Variants in TIAM2 observed in about 807,000 individuals in gnomAD.
TIAM2 encodes the protein TIAM Rac1 associated GEF 2.
In TIAM2, 80 loss-of-function variants were observed where a neutral mutation model predicts 152.9. The ratio of observed to expected loss-of-function variants is 0.52; its 90% CI spans 0.44 to 0.63. The LOEUF (loss-of-function observed/expected upper bound fraction) is 0.63, where lower values mean the gene tolerates loss of function less well. TIAM2 is among the 30% of genes least tolerant of loss of function. The pLI is 0.00. For missense variants in TIAM2, 1,965 were observed against 2,120.1 expected (o/e 0.93, Z 1.44); for synonymous variants, 804 against 838.0 (o/e 0.96, Z 0.70).
chr6:155,096,667 G>A (rs1778425040), intron 2 of TIAM2, among the ~76,000 whole-genome samples: 1 of 151,996 alleles, frequency 6.6e-6, no homozygotes. Flanking sequence ...CACCCACATT[G>A]CTGCAAATGA....
chr6:155,110,806 T>C (rs1413870279), intron 2 of TIAM2, among the ~76,000 whole-genome samples: 1 of 152,242 alleles, frequency 6.6e-6, no homozygotes, highest in African/African-American at 2.4e-5. Flanking sequence ...AGTTATCATT[T>C]ACACTTAAGG....
rs117029710 is a variant in TIAM2 at position 155,165,316 on chromosome 6, G to C, written c.2268G>C (p.Gln756His). The change falls in exon 9 of 27, where the codon CAG becomes CAC. Residue 756 changes from glutamine to histidine, a missense_variant. Coordinates refer to ENST00000682666, the MANE Select transcript of TIAM2 (RefSeq NM_012454.4). ...ALRKRTLSLTQRGRNKKGIFS... is the reference protein window; with the variant it reads ...ALRKRTLSLTHRGRNKKGIFS... ...GGAAAAGGACACTGTCACTGACCCAGCGAGGGAGAAACAAGAAGGGAATAT... is the reference window on the plus strand; with the variant it reads ...GGAAAAGGACACTGTCACTGACCCACCGAGGGAGAAACAAGAAGGGAATAT... The C allele has an allele frequency of 1.9e-5, 31 of 1,614,022 alleles. No homozygotes were observed. The highest frequency in any genetic ancestry group is 2.7e-5 in the African/African-American group (2 of 74,910).
At chr6:155,167,169 A>G (rs1051001160) in intron 9 of TIAM2, among the ~76,000 whole-genome samples, 7 of 152,122 alleles carry the variant, frequency 4.6e-5, no homozygotes, top group African/African-American at 1.7e-4. Flanking sequence ...ATGTTTATAT[A>G]CTCATATACA....
intron 1 of TIAM2, among the ~76,000 whole-genome samples, chr6:155,051,785 C>T (rs1027059735): frequency 1.3e-5 from 2 of 152,082 alleles, no homozygotes; most frequent in African/African-American, 4.8e-5. Flanking sequence ...GCTGGGATTA[C>T]AGGCGCACAC....
intron 9 of TIAM2, among the ~76,000 whole-genome samples, chr6:155,167,210 C>G (rs1358389687): frequency 1.4e-5 from 2 of 146,872 alleles, no homozygotes; most frequent in Non-Finnish European, 3.0e-5. Flanking sequence ...AATTGTGGTT[C>G]TACTTGTAAT....
intron 8 of TIAM2, among the ~76,000 whole-genome samples, 174 bp downstream of exon 8, chr6:155,164,774 T>C (rs932010214): frequency 2.6e-5 from 4 of 152,134 alleles, no homozygotes; most frequent in African/African-American, 9.7e-5. Flanking sequence ...GACGTCGTGC[T>C]GTAGAGCCCC....
chr6:155,124,217 C>T (rs528385624), intron 2 of TIAM2, among the ~76,000 whole-genome samples: 1 of 152,276 alleles, frequency 6.6e-6, no homozygotes, highest in East Asian at 1.9e-4. Flanking sequence ...GATGGAGTTT[C>T]ACCATTTTGG....
intron 19 of TIAM2, among the ~76,000 whole-genome samples, chr6:155,247,127 A>AAGGCTGTAGGCTGC (rs1471944138): frequency 1.3e-5 from 2 of 152,232 alleles, no homozygotes; most frequent in Non-Finnish European, 2.9e-5. Flanking sequence ...CTGTGGAGTG[A>AAGGCTGTAGGCTGC]AGGCTGTAGG....
intron 1 of TIAM2, among the ~76,000 whole-genome samples, chr6:155,025,499 A>G (rs1776584301): frequency 6.6e-6 from 1 of 151,962 alleles, no homozygotes; most frequent in Non-Finnish European, 1.5e-5. Context: ...GTATTTTTTT[A>G]GTAGAGTTGG....
rs371940591 is a variant in TIAM2 at position 155,137,107 on chromosome 6, T to C, written c.1195-70T>C. On this transcript the variant is annotated intron_variant, in intron 4 of 26. Coordinates refer to ENST00000682666, the MANE Select transcript of TIAM2 (RefSeq NM_012454.4). ...TCAGCAGCCACTGGTATTACACTTA[T>C]GCTGTGTGCAAGAAGGGATGCTTTG... 8.4e-5 allele frequency: 127 copies of C among 1,511,092 alleles called. No individual in the cohort carries two copies. The African/African-American group carries it at 1.6e-3, about 19-fold the overall frequency. The allele number at this position is 1,511,092 out of a possible 1,614,324, so 93.6% of individuals were successfully genotyped here.
At chr6:155,126,662 C>A (rs1300822736) in intron 2 of TIAM2, among the ~76,000 whole-genome samples, 1 of 152,012 alleles carries the variant, frequency 6.6e-6, no homozygotes, top group Non-Finnish European at 1.5e-5. Context: ...ACCCAGGAGG[C>A]GGAGGTTGCA....
At chr6:155,007,320 C>G (rs1304352953) in intron 1 of TIAM2, among the ~76,000 whole-genome samples, 1 of 151,986 alleles carries the variant, frequency 6.6e-6, no homozygotes, top group African/African-American at 2.4e-5. Flanking sequence ...ATAAATGCAG[C>G]ACAGGTTTTC....
intron 4 of TIAM2, among the ~76,000 whole-genome samples, chr6:155,130,810 C>T (rs1183318426): frequency 6.6e-6 from 1 of 152,164 alleles, no homozygotes; most frequent in Non-Finnish European, 1.5e-5. Flanking sequence ...CTCACTGTGT[C>T]CTCATGCGGC....
intron 14 of TIAM2, among the ~76,000 whole-genome samples, chr6:155,190,405 G>A (rs1343341056): frequency 2.6e-5 from 4 of 152,322 alleles, no homozygotes; most frequent in Admixed American, 6.5e-5. Flanking sequence ...CTGGGAAGCC[G>A]TCTCCACTAA....
intron 15 of TIAM2, among the ~76,000 whole-genome samples, chr6:155,226,573 G>T (rs1459723144): frequency 6.7e-6 from 1 of 149,880 alleles, no homozygotes; most frequent in East Asian, 2.0e-4. Context: ...CCTGAGGCAG[G>T]AGAATCACTT....
At chr6:155,161,588 G>A (rs1299489364) in intron 7 of TIAM2, among the ~76,000 whole-genome samples, 1 of 147,558 alleles carries the variant, frequency 6.8e-6, no homozygotes, top group African/African-American at 2.5e-5. Flanking sequence ...TTTTTTCTGA[G>A]ATGGAGTCTC....
chr6:155,076,402 T>TG (rs1351034921), intron 1 of TIAM2, among the ~76,000 whole-genome samples: 2 of 152,196 alleles, frequency 1.3e-5, no homozygotes, highest in Admixed American at 1.3e-4. Context: ...AAAATGCCTA[T>TG]GGGAAATATG....
chr6:155,218,898 CCCGTGTTCTTGACCATCTCAG>C lies in TIAM2; in HGVS notation c.3168+7616_3168+7636del, dbSNP rs1262045718. Among the ~76,000 whole-genome samples the C allele has an allele frequency of 7.0e-4, 104 of 148,852 alleles. No individual in the cohort carries two copies. The highest frequency in any genetic ancestry group is 2.5e-3 in the African/African-American group (99 of 40,000). On this transcript the variant is annotated intron_variant, in intron 15 of 26. Transcript: ENST00000682666. The surrounding 1 kb of genome is among the most constrained non-coding windows in gnomAD (Gnocchi z 4.5). Reference sequence around the variant, plus strand: ...TGTTCTTGACCATCTCAGCCGCCCACCCGTGTTCTTGACCATCTCAGCCGTGTTCTTGACCATCTCAGCCGC... The same window carrying C: ...TGTTCTTGACCATCTCAGCCGCCCACCCGTGTTCTTGACCATCTCAGCCGC...
Position 155,253,142 on chromosome 6 carries a change from T to C in TIAM2, c.4225+89T>C, listed in dbSNP as rs1783773838. ...AATTAAGAAAGGACCTTGGGGATAATTTTTGGTGCCTTTTATTTTATAGAC... is the reference window on the plus strand; with the variant it reads ...AATTAAGAAAGGACCTTGGGGATAACTTTTGGTGCCTTTTATTTTATAGAC... On this transcript the variant is annotated intron_variant, in intron 24 of 26. Transcript: ENST00000682666. 1.5e-5 allele frequency: 17 copies of C among 1,121,752 alleles called. No homozygotes were observed. The East Asian group carries it at 4.3e-4, about 28-fold the overall frequency. The allele number at this position is 1,121,752 out of a possible 1,614,324, so 69.5% of individuals were successfully genotyped here.
Sources: allele counts gnomAD v4.1 joint callset (sites outside exome capture counted in the v4.1 genomes callset), GRCh38; gene constraint gnomAD v4.1.1; non-coding constraint Gnocchi (gnomAD v3.1); transcripts MANE v1.5; gene names NCBI Gene and HGNC (gene_info 2026-07-23, HGNC 2026-07-21).